Variants in CCNJL observed in about 807,000 individuals in gnomAD.
CCNJL encodes the protein cyclin-J-like protein.
Under a neutral mutation model 33.4 loss-of-function variants are expected in CCNJL, and 33 were observed. That is an observed-to-expected ratio of 0.99 (90% CI 0.75 to 1.32). CCNJL has a LOEUF of 1.32. CCNJL is among the 40% of genes most tolerant of loss of function. CCNJL has a pLI of 0.00. For synonymous variants in CCNJL, 227 were observed against 220.9 expected (o/e 1.03, Z -0.24); for missense variants, 512 against 499.7 (o/e 1.02, Z -0.23).
chr5:160,323,642 G>C (rs1763500795), intron 1 of CCNJL, among the ~76,000 whole-genome samples: 2 of 152,170 alleles, frequency 1.3e-5, no homozygotes, highest in East Asian at 1.9e-4. Context: ...GGGTGTGACA[G>C]TTAATTTTGT....
chr5:160,253,978 G>A (rs1330396708), intron 5 of CCNJL, among the ~76,000 whole-genome samples, 180 bp from the exon 6 acceptor site: 1 of 152,184 alleles, frequency 6.6e-6, no homozygotes, highest in African/African-American at 2.4e-5. Flanking sequence ...ACTAGATTCA[G>A]GCCTTGGCTC....
In CCNJL at chr5:160,259,674, C is replaced by T. The variant is rs1221733946; in HGVS notation, c.378G>A (p.Glu126=). The T allele has an allele frequency of 4.3e-6, 7 of 1,614,096 alleles. No homozygotes were observed. Among genetic ancestry groups the T allele is most frequent in the Non-Finnish European group, 5.9e-6 (7 of 1,180,034 alleles). Residue 126 remains glutamate, a synonymous_variant, in exon 4 of 6, where the codon GAG becomes GAA. Transcript: ENST00000257536. ...SSQNFTLTKK[E]LLSTELLLLE... ...GGAGCAGCAGCTCTGTGCTCAGCAG[C>T]TCCTTCTTGGTGAGGGTGAAGTTCT... is the stretch of plus-strand genomic sequence containing the variant.
chr5:160,318,023 GT>G (rs1385329664), intron 1 of CCNJL, among the ~76,000 whole-genome samples: 91 of 141,874 alleles, frequency 6.4e-4, no homozygotes, highest in African/African-American at 1.3e-3. Flanking sequence ...TTCTTTTTTT[GT>G]TTTTTTTTTT....
chr5:160,268,755 A>C (rs111476328), intron 3 of CCNJL, among the ~76,000 whole-genome samples: 3 of 152,298 alleles, frequency 2.0e-5, no homozygotes, highest in African/African-American at 7.2e-5. Context: ...TGTAGTTAGG[A>C]AACATCCTGG....
Position 160,251,321 on chromosome 5 carries a change from T to G in CCNJL, c.*2057A>C, listed in dbSNP as rs1211481498. ...TCAGCTCTTACCTGAATTTCCAGCC[T>G]GCTGACATGCCCCACAAATTTTAGA... On this transcript the variant is annotated 3_prime_UTR_variant, in exon 6 of 6. Transcript: ENST00000257536. 1 of 152,272 alleles carries G rather than the reference T, an allele frequency of 6.6e-6. No homozygotes were observed. The highest frequency in any genetic ancestry group is 2.4e-5 in the African/African-American group (1 of 41,468). The allele number at this position is 152,272 out of a possible 1,614,324, so 9.4% of individuals were successfully genotyped here. A position where few individuals can be genotyped will look rare whatever the true frequency, so the allele number is the denominator to read the frequency against.
chr5:160,267,854 G>T (rs894917992), intron 3 of CCNJL, among the ~76,000 whole-genome samples: 2 of 152,182 alleles, frequency 1.3e-5, no homozygotes, highest in African/African-American at 4.8e-5. Context: ...GCACCACCAT[G>T]CTTGGCCCTT....
Position 160,250,785 on chromosome 5 carries a change from A to G in CCNJL, c.*2593T>C, listed in dbSNP as rs1753295208. 1 of 152,256 alleles carries G rather than the reference A, an allele frequency of 6.6e-6. No homozygotes were observed. The highest frequency in any genetic ancestry group is 6.5e-5 in the Admixed American group (1 of 15,290). 9.4% of individuals were successfully genotyped at this position (152,256 alleles called of 1,614,324 possible). Reference sequence around the variant, plus strand: ...CTAAAAAGTCTTATTAGTGCATAAAATAATAGTGCATCTTACAAAAAGCTG... The same window carrying G: ...CTAAAAAGTCTTATTAGTGCATAAAGTAATAGTGCATCTTACAAAAAGCTG... On this transcript the variant is annotated 3_prime_UTR_variant, in exon 6 of 6. Transcript: ENST00000257536.
intron 1 of CCNJL, among the ~76,000 whole-genome samples, chr5:160,338,132 C>A (rs559271954): frequency 1.3e-5 from 2 of 152,234 alleles, no homozygotes; most frequent in Non-Finnish European, 1.5e-5. Context: ...AAACCTGGCT[C>A]ACTCCTGTAG....
intron 1 of CCNJL, among the ~76,000 whole-genome samples, chr5:160,318,808 G>A (rs1392898489): frequency 6.6e-6 from 1 of 152,200 alleles, no homozygotes; most frequent in African/African-American, 2.4e-5. Flanking sequence ...AATAGAATTT[G>A]TGTAATTTCA....
At chr5:160,296,603 T>C (rs997977343) in intron 2 of CCNJL, among the ~76,000 whole-genome samples, 3 of 152,140 alleles carry the variant, frequency 2.0e-5, no homozygotes, top group Non-Finnish European at 4.4e-5. Context: ...ACCCTTCCCA[T>C]TGCCCTCCAT....
At chr5:160,268,478 T>C (rs1419172327) in intron 3 of CCNJL, among the ~76,000 whole-genome samples, 1 of 152,220 alleles carries the variant, frequency 6.6e-6, no homozygotes. Flanking sequence ...CTTTGTAAAC[T>C]TGTGCTCAAT....
intron 2 of CCNJL, among the ~76,000 whole-genome samples, chr5:160,306,797 T>A (rs962874591): frequency 1.2e-4 from 19 of 152,224 alleles, no homozygotes; most frequent in African/African-American, 2.4e-5. Context: ...GACCTCCTGT[T>A]AGAAGTCTGG....
chr5:160,278,682 T>C (rs1011389960), intron 3 of CCNJL, among the ~76,000 whole-genome samples: 1 of 152,030 alleles, frequency 6.6e-6, no homozygotes, highest in Non-Finnish European at 1.5e-5. Flanking sequence ...GTGCCTCACA[T>C]CCCAGCTCCC....
Position 160,253,583 on chromosome 5 carries a change from C to A in CCNJL, c.959G>T (p.Ser320Ile). 6.2e-7 allele frequency: 1 copy of A among 1,614,116 alleles called. No homozygotes were observed. Among genetic ancestry groups the A allele is most frequent in the East Asian group, 2.2e-5 (1 of 44,876 alleles). The change falls in exon 6 of 6, where the codon AGC becomes ATC. Residue 320 changes from serine to isoleucine, a missense_variant. Physicochemically the swap from Ser to Ile is moderately radical, Grantham distance 142. Transcript: ENST00000257536. ...TGAGCCTGTACTCCCCGAGAGCAGG[C>A]TCCCTGAACGGTGGGCCTGCAAGGA... is the stretch of plus-strand genomic sequence containing the variant. ...RDSLQAHRSG[S>I]LLSGSTGSSL...
At chr5:160,311,186 C>T (rs1264297807) in intron 2 of CCNJL, among the ~76,000 whole-genome samples, 1 of 152,162 alleles carries the variant, frequency 6.6e-6, no homozygotes, top group East Asian at 1.9e-4. Flanking sequence ...GATCACATTT[C>T]AGCTGCTCCC....
rs1311351059 is a variant in CCNJL, at chr5:160,252,931, T to C, written c.*447A>G. ...GCCAGGGAAAGAAAAGCACCCAATA[T>C]GGGATCCTCCGGGGGTCCTGAGAAC... is the stretch of plus-strand genomic sequence containing the variant. On this transcript the variant is annotated 3_prime_UTR_variant, in exon 6 of 6. Transcript: ENST00000257536. 6.4e-6 allele frequency: 1 copy of C among 155,466 alleles called. No individual in the cohort carries two copies. Among genetic ancestry groups the C allele is most frequent in the Non-Finnish European group, 1.4e-5 (1 of 70,146 alleles). The allele number at this position is 155,466 out of a possible 1,614,324, so 9.6% of individuals were successfully genotyped here.
chr5:160,326,337 T>A (rs1194629705), intron 1 of CCNJL, among the ~76,000 whole-genome samples: 1 of 151,882 alleles, frequency 6.6e-6, no homozygotes, highest in African/African-American at 2.4e-5. Flanking sequence ...TAGCCAGGCA[T>A]GGTGGCACGC....
intron 3 of CCNJL, among the ~76,000 whole-genome samples, chr5:160,267,484 A>G (rs1761648320): frequency 6.6e-6 from 1 of 152,228 alleles, no homozygotes. Context: ...CATAAAATTA[A>G]TAATAGCTTT....
chr5:160,298,193 A>G (rs1175924133), intron 2 of CCNJL, among the ~76,000 whole-genome samples: 6 of 151,998 alleles, frequency 3.9e-5, no homozygotes, highest in African/African-American at 1.5e-4. Context: ...CATGCTACCT[A>G]CCCCACAAGA....
Sources: allele counts gnomAD v4.1 joint callset (sites outside exome capture counted in the v4.1 genomes callset), GRCh38; gene constraint gnomAD v4.1.1; transcripts MANE v1.5; gene names NCBI Gene and HGNC (gene_info 2026-07-23, HGNC 2026-07-21).